Variants in CNNM2 observed in about 807,000 individuals in gnomAD.
CNNM2 encodes cyclin and CBS domain divalent metal cation transport mediator 2, also known as metal transporter CNNM2.
A neutral mutation model predicts 66.9 loss-of-function variants in CNNM2; 12 were observed. The ratio of observed to expected loss-of-function variants is 0.18; its 90% CI spans 0.11 to 0.29. The LOEUF (loss-of-function observed/expected upper bound fraction) is 0.29, where lower values mean the gene tolerates loss of function less well. Ranked by LOEUF, CNNM2 falls within the 10% of genes least tolerant of loss-of-function variation. The pLI is 1.00. For synonymous variants in CNNM2, 557 were observed against 501.8 expected (o/e 1.11, Z -1.47); for missense variants, 705 against 1,167.7 (o/e 0.60, Z 5.77).
At chr10:102,942,226 A>G (rs1026431763) in intron 1 of CNNM2, among the ~76,000 whole-genome samples, 2 of 152,176 alleles carry the variant, frequency 1.3e-5, no homozygotes, top group Admixed American at 1.3e-4. Flanking sequence ...TATACGATTC[A>G]GTAGTATTAA....
At position 102,974,553 on chromosome 10, in the gene CNNM2, A is replaced by G. The variant is rs143888338; in HGVS notation, c.1621+54452A>G. Among the ~76,000 whole-genome samples the G allele has an allele frequency of 1.9e-3, 287 of 152,156 alleles. 2 individuals carry two copies. Among genetic ancestry groups the G allele is most frequent in the African/African-American group, 6.6e-3 (275 of 41,508 alleles). The stretch of plus-strand genomic sequence containing the variant: ...TTGAAAGAAAAAAAGAATATCTAGA[A>G]TTGGGGGAGATGATAATCCTATTTA... On this transcript the variant is annotated intron_variant, in intron 1 of 7. Transcript: ENST00000369878.
At chr10:102,972,754 G>T (rs1006560370) in intron 1 of CNNM2, among the ~76,000 whole-genome samples, 3 of 152,090 alleles carry the variant, frequency 2.0e-5, no homozygotes, top group Non-Finnish European at 4.4e-5. Flanking sequence ...AGTGTGAAGG[G>T]GGTGGTGCTG....
chr10:103,011,398 A>G (rs1424995772), intron 1 of CNNM2, among the ~76,000 whole-genome samples: 1 of 152,180 alleles, frequency 6.6e-6, no homozygotes, highest in Non-Finnish European at 1.5e-5. Flanking sequence ...GGTTGCAGTA[A>G]GCTGAGATTG....
At chr10:102,932,107 A>G in intron 1 of CNNM2, among the ~76,000 whole-genome samples, 1 of 151,532 alleles carries the variant, frequency 6.6e-6, no homozygotes, top group Non-Finnish European at 1.5e-5. Flanking sequence ...ATTTGCAAAT[A>G]TTTTTCTCCC....
intron 5 of CNNM2, among the ~76,000 whole-genome samples, chr10:103,071,372 CAGTG>C (rs2065578120): frequency 6.6e-6 from 1 of 152,316 alleles, no homozygotes; most frequent in Non-Finnish European, 1.5e-5. Flanking sequence ...GTAGGCTGTG[CAGTG>C]AGTGAGTATT....
At chr10:103,001,656 A>G (rs1269457312) in intron 1 of CNNM2, among the ~76,000 whole-genome samples, 1 of 152,114 alleles carries the variant, frequency 6.6e-6, no homozygotes, top group African/African-American at 2.4e-5. Flanking sequence ...CCTTCCTTAT[A>G]TCCTACACAA....
Position 102,919,044 on chromosome 10 carries a change from C to G in CNNM2, c.564C>G (p.Ser188=). The part of the protein sequence containing the change: ...KPLRKMEKSK[S]YYLCTSLSTP... ...TACGCAAGATGGAGAAGAGCAAGTC[C>G]TATTACCTGTGCACGTCGCTCTCCA... The change falls in exon 1 of 8, where the codon TCC becomes TCG. Residue 188 remains serine (S), a synonymous_variant. Coordinates refer to ENST00000369878, the MANE Select transcript of CNNM2 (RefSeq NM_017649.5). The G allele has an allele frequency of 6.2e-7, 1 of 1,612,554 alleles. No homozygotes were observed. The highest frequency in any genetic ancestry group is 8.5e-7 in the Non-Finnish European group (1 of 1,179,478).
At chr10:103,057,138 G>A (rs2065308717) in intron 4 of CNNM2, among the ~76,000 whole-genome samples, 174 bp downstream of exon 4, 1 of 152,124 alleles carries the variant, frequency 6.6e-6, no homozygotes, top group Non-Finnish European at 1.5e-5. Context: ...CTAATATAAA[G>A]CAATGCCAAT....
chr10:102,949,080 A>G (rs1280987962), intron 1 of CNNM2, among the ~76,000 whole-genome samples: 1 of 152,166 alleles, frequency 6.6e-6, no homozygotes, highest in Non-Finnish European at 1.5e-5. Context: ...CTGACACAGC[A>G]CCAACTACAG....
chr10:102,968,910 CT>C (rs767809554), intron 1 of CNNM2, among the ~76,000 whole-genome samples: 20,024 of 99,622 alleles, frequency 0.2, 1,241 homozygotes, highest in Middle Eastern at 0.25. Flanking sequence ...CCAGTGCTGT[CT>C]TTTTTTTTTT....
chr10:102,996,530 C>A (rs138730922), intron 1 of CNNM2, among the ~76,000 whole-genome samples: 1 of 152,164 alleles, frequency 6.6e-6, no homozygotes, highest in Non-Finnish European at 1.5e-5. Flanking sequence ...CATAGGGAGA[C>A]CTTGTCTCTA....
At chr10:103,023,539 ACT>A (rs2064636191) in intron 1 of CNNM2, among the ~76,000 whole-genome samples, 1 of 151,766 alleles carries the variant, frequency 6.6e-6, no homozygotes, top group South Asian at 2.1e-4. Context: ...CAAGAGTGAA[ACT>A]CTGTTCCCCC....
At chr10:103,076,291 G>A (rs767521477) in intron 7 of CNNM2, 21 bp downstream of exon 7, 14 of 1,551,070 alleles carry the variant, frequency 9.0e-6, no homozygotes, top group Admixed American at 2.0e-5. Flanking sequence ...TGAGTGCAGT[G>A]TGGCTGGACC....
intron 1 of CNNM2, among the ~76,000 whole-genome samples, chr10:102,978,034 CAA>C (rs1332015621): frequency 2.0e-5 from 3 of 151,894 alleles, no homozygotes; most frequent in Non-Finnish European, 4.4e-5. Flanking sequence ...CTCAGCTTCC[CAA>C]GTAGCTGGGA....
In CNNM2 at chr10:103,079,632, TTATTCTCTTATAAAAGAGCTCGGCA is replaced by T. The variant is rs1415998916; in HGVS notation, c.*2453_*2477del. 1 of 152,174 alleles carries T rather than the reference TTATTCTCTTATAAAAGAGCTCGGCA, an allele frequency of 6.6e-6. No homozygotes were observed. The highest frequency in any genetic ancestry group is 1.5e-5 in the Non-Finnish European group (1 of 68,024). The allele number at this position is 152,174 out of a possible 1,614,324, so 9.4% of individuals were successfully genotyped here. On this transcript the variant is annotated 3_prime_UTR_variant, in exon 8 of 8. Coordinates refer to ENST00000369878, the MANE Select transcript of CNNM2 (RefSeq NM_017649.5). ...GCTCGGTGTGATGGCTTCTTGCAAA[TTATTCTCTTATAAAAGAGCTCGGCA>T]GGAGTGGCATCAGTGAGGCTCCCAA...
At chr10:103,071,464 G>A (rs1346073872) in intron 5 of CNNM2, among the ~76,000 whole-genome samples, 1 of 152,148 alleles carries the variant, frequency 6.6e-6, no homozygotes, top group Non-Finnish European at 1.5e-5. Context: ...GCAGCTACTG[G>A]TGATTTAAGC....
At chr10:102,973,502 CTGTGTGTG>C (rs533098295) in intron 1 of CNNM2, among the ~76,000 whole-genome samples, 1 of 149,252 alleles carries the variant, frequency 6.7e-6, no homozygotes, top group Non-Finnish European at 1.5e-5. Flanking sequence ...TGCTAATTTT[CTGTGTGTG>C]TGTGTGTGTT....
chr10:103,003,729 C>T (rs890212030), intron 1 of CNNM2, among the ~76,000 whole-genome samples: 5 of 151,974 alleles, frequency 3.3e-5, no homozygotes, highest in East Asian at 2.0e-4. Context: ...GCCAAGATCG[C>T]GCCACTGCAC....
chr10:102,931,716 A>T (rs907843349), intron 1 of CNNM2, among the ~76,000 whole-genome samples: 1 of 152,140 alleles, frequency 6.6e-6, no homozygotes, highest in South Asian at 2.1e-4. Flanking sequence ...GCTGGATCAT[A>T]TGGTAATTCT....
Sources: allele counts gnomAD v4.1 joint callset (sites outside exome capture counted in the v4.1 genomes callset), GRCh38; gene constraint gnomAD v4.1.1; transcripts MANE v1.5; gene names NCBI Gene and HGNC (gene_info 2026-07-23, HGNC 2026-07-21).